KCNH2: variants seen among roughly 807,000 people sequenced by gnomAD.
The protein encoded by KCNH2 is potassium voltage-gated channel subfamily H member 2.
KCNH2 carries 35 observed loss-of-function variants against 95.9 expected under a neutral mutation model. That is an observed-to-expected ratio of 0.37 (90% CI 0.28 to 0.48). The LOEUF is 0.48. KCNH2 is among the 20% of genes least tolerant of loss of function. KCNH2 has a pLI of 0.99. For synonymous variants in KCNH2, 786 were observed against 754.7 expected (o/e 1.04, Z -0.68); for missense variants, 1,274 against 1,702.9 (o/e 0.75, Z 4.43).
intron 2 of KCNH2, among the ~76,000 whole-genome samples, chr7:150,965,034 G>A (rs570702470): frequency 1.3e-5 from 2 of 152,128 alleles, no homozygotes; most frequent in South Asian, 4.1e-4. Flanking sequence ...AGGAGGGAGA[G>A]AGACAGAGAC....
chr7:150,950,274 C>T lies in KCNH2; in HGVS notation c.2292G>A (p.Pro764=), dbSNP rs766291953. 18 of 1,613,546 alleles carry T rather than the reference C, an allele frequency of 1.1e-5. No homozygotes were observed. Among genetic ancestry groups the T allele is most frequent in the African/African-American group, 5.3e-5 (4 of 74,894 alleles). The part of the protein sequence containing the change: ...LAMKFKTTHA[P]PGDTLVHAGD... ...CAGCATGCACCAGTGTGTCCCCTGG[C>T]GGTGCATGTGTGGTCTTGAACTTCA... Residue 764 remains proline, a synonymous_variant, in exon 9 of 15, where the codon CCG becomes CCA. Transcript: ENST00000262186.
chr7:150,960,209 T>C (rs1043328238), intron 2 of KCNH2, among the ~76,000 whole-genome samples: 5 of 152,240 alleles, frequency 3.3e-5, no homozygotes, highest in African/African-American at 1.2e-4. Flanking sequence ...CTTATGCTTT[T>C]TTCCTAAATT....
At chr7:150,968,492 C>T (rs560699659) in intron 2 of KCNH2, among the ~76,000 whole-genome samples, 1 of 152,310 alleles carries the variant, frequency 6.6e-6, no homozygotes, top group East Asian at 1.9e-4. Context: ...CACCAAAATA[C>T]AACATATAGC....
intron 2 of KCNH2, among the ~76,000 whole-genome samples, chr7:150,974,461 C>T (rs1204219682): frequency 1.3e-5 from 2 of 152,238 alleles, no homozygotes; most frequent in Non-Finnish European, 2.9e-5. Context: ...GCCAGACCCA[C>T]AGCCTAGCAA....
intron 10 of KCNH2, 111 bp from the exon 11 acceptor site, chr7:150,948,654 T>C: frequency 8.5e-7 from 1 of 1,177,576 alleles, no homozygotes; most frequent in Non-Finnish European, 1.2e-6. Flanking sequence ...GCCCCAGCTC[T>C]GGGAAAACCC....
At chr7:150,948,182 C>T (rs530253759) in intron 11 of KCNH2, among the ~76,000 whole-genome samples, 1 of 152,348 alleles carries the variant, frequency 6.6e-6, no homozygotes, top group East Asian at 1.9e-4. Context: ...CTCCTCAGTG[C>T]TCACAGAGAC....
intron 5 of KCNH2, among the ~76,000 whole-genome samples, chr7:150,953,207 C>A (rs1228395460): frequency 1.3e-5 from 2 of 152,220 alleles, no homozygotes; most frequent in African/African-American, 4.8e-5. Context: ...CACCCAACCA[C>A]ACACGCCATA....
chr7:150,958,866 G>A (rs1409312760), intron 3 of KCNH2, among the ~76,000 whole-genome samples: 2 of 152,242 alleles, frequency 1.3e-5, no homozygotes, highest in Non-Finnish European at 2.9e-5. Flanking sequence ...CTAAGTGGGC[G>A]ACACAATGCC....
chr7:150,952,715 C>T lies in KCNH2; in HGVS notation c.1267G>A (p.Val423Ile). The T allele has an allele frequency of 6.2e-7, 1 of 1,614,176 alleles. No individual in the cohort carries two copies. Among genetic ancestry groups the T allele is most frequent in the Non-Finnish European group, 8.5e-7 (1 of 1,180,030 alleles). The change falls in exon 6 of 15, where the codon GTC (valine) becomes ATC (isoleucine). Residue 423 changes from valine (V) to isoleucine (I), a missense_variant. Physicochemically the swap from Val to Ile is conservative, Grantham distance 29. This residue lies in a region of KCNH2 where 147 missense variants were observed against 344.4 expected (regional missense o/e 0.43). Transcript: ENST00000262186. The surrounding 1 kb of genome is among the most constrained non-coding windows in gnomAD (Gnocchi z 7.3). ...LILLLVIYTA[V>I]FTPYSAAFLL... Reference sequence around the variant, plus strand: ...AAGGCAGCCGAGTAGGGTGTGAAGACAGCCGTGTAGATGACCAGCAGCAGG... The same window carrying T: ...AAGGCAGCCGAGTAGGGTGTGAAGATAGCCGTGTAGATGACCAGCAGCAGG...
chr7:150,973,046 T>C (rs1801880306), intron 2 of KCNH2, among the ~76,000 whole-genome samples: 1 of 152,172 alleles, frequency 6.6e-6, no homozygotes, highest in African/African-American at 2.4e-5. Flanking sequence ...TCAGCACCCT[T>C]GTGAAGGTCC....
At position 150,961,491 on chromosome 7, in the gene KCNH2, G is replaced by A. The variant is rs1801566064; in HGVS notation, c.308-1755C>T. ...TTTTGTATATTTTGATAGAGACAGG[G>A]TTTTCACTGTGTTGGCCAGGCTGGT... is the stretch of plus-strand genomic sequence containing the variant. On this transcript the variant is annotated intron_variant, in intron 2 of 14. Coordinates refer to ENST00000262186, the MANE Select transcript of KCNH2 (RefSeq NM_000238.4). This position sits in a 1 kb window ranked among gnomAD's most constrained non-coding sequence, Gnocchi z 6.2. Among the ~76,000 whole-genome samples the A allele has an allele frequency of 6.6e-6, 1 of 152,026 alleles. No homozygotes were observed. The highest frequency in any genetic ancestry group is 1.5e-5 in the Non-Finnish European group (1 of 68,010).
chr7:150,974,559 C>G, intron 2 of KCNH2, 152 bp downstream of exon 2: 1 of 669,672 alleles, frequency 1.5e-6, no homozygotes, highest in East Asian at 2.9e-5. Context: ...AGGGCCCCCG[C>G]CCGCGTCACA....
rs552586241 is a variant in KCNH2 at position 150,946,831 on chromosome 7, G to T, written c.3330+46C>A. On this transcript the variant is annotated intron_variant, in intron 14 of 14. Transcript: ENST00000262186. This position sits in a 1 kb window ranked among gnomAD's most constrained non-coding sequence, Gnocchi z 6.5. ...AAAGCAGGTTTGGGCTGGAATCGGGGAACAAGCGGGTCACGGTACATCGAG... is the reference window on the plus strand; with the variant it reads ...AAAGCAGGTTTGGGCTGGAATCGGGTAACAAGCGGGTCACGGTACATCGAG... 3 of 1,548,864 alleles carry T rather than the reference G, an allele frequency of 1.9e-6. No homozygotes were observed. The South Asian group carries it at 3.5e-5, about 18-fold the overall frequency.
rs771951663 is a variant in KCNH2, at chr7:150,952,914, C to G, written c.1129-61G>C. 3 of 1,513,484 alleles carry G rather than the reference C, an allele frequency of 2.0e-6. No homozygotes were observed. The Admixed American group carries it at 5.1e-5, about 26-fold the overall frequency. 93.8% of individuals were successfully genotyped at this position (1,513,484 alleles called of 1,614,324 possible). On this transcript the variant is annotated intron_variant, in intron 5 of 14. Transcript: ENST00000262186. The surrounding 1 kb of genome is among the most constrained non-coding windows in gnomAD (Gnocchi z 7.3). ...GGCCATGGGACCTCGGGGGCAGGAGCGATGACATCTCTGCCGGGGCCAAGC... is the reference window on the plus strand; with the variant it reads ...GGCCATGGGACCTCGGGGGCAGGAGGGATGACATCTCTGCCGGGGCCAAGC...
At chr7:150,966,718 T>C (rs1036157160) in intron 2 of KCNH2, among the ~76,000 whole-genome samples, 11 of 152,138 alleles carry the variant, frequency 7.2e-5, no homozygotes, top group Non-Finnish European at 1.3e-4. Flanking sequence ...TCTTTTACAA[T>C]AGCAACAAAA....
chr7:150,959,831 C>T, intron 2 of KCNH2, 95 bp from the exon 3 acceptor site: 1 of 1,371,314 alleles, frequency 7.3e-7, no homozygotes. Context: ...GTGGGCCCGT[C>T]CACTTCTGCC....
Position 150,977,960 on chromosome 7 carries a change from G to GGCCCGGCCCA in KCNH2, c.-57_-48dup, listed in dbSNP as rs1802020875. ...GGCGGGCCCCCACCCACCCCGGCCC[G>GGCCCGGCCCA]GCCCGGCCCAGCACTAGGCTTCGGG... On this transcript the variant is annotated 5_prime_UTR_variant, in exon 1 of 15. Transcript: ENST00000262186. 7.6e-7 allele frequency: 1 copy of GGCCCGGCCCA among 1,319,784 alleles called. No individual in the cohort carries two copies. Among genetic ancestry groups the GGCCCGGCCCA allele is most frequent in the African/African-American group, 1.5e-5 (1 of 64,968 alleles). The allele number at this position is 1,319,784 out of a possible 1,614,324, so 81.8% of individuals were successfully genotyped here. A position where few individuals can be genotyped will look rare whatever the true frequency, so the allele number is the denominator to read the frequency against.
chr7:150,957,475 A>G lies in KCNH2; in HGVS notation c.944T>C (p.Leu315Ser). The G allele has an allele frequency of 6.2e-7, 1 of 1,613,958 alleles. No individual in the cohort carries two copies. Residue 315 changes from leucine to serine, a missense_variant, in exon 5 of 15, where the codon TTG (leucine) becomes TCG (serine). Transcript: ENST00000262186. Reference sequence around the variant, plus strand: ...GTCGGAGTCCGAGGTGGAGTTGAGCAAGCCGCTGCGCAGTGGGTGCATGGC... The same window carrying G: ...GTCGGAGTCCGAGGTGGAGTTGAGCGAGCCGCTGCGCAGTGGGTGCATGGC... ...TGAMHPLRSG[L>S]LNSTSDSDLV...
At chr7:150,951,296 G>A in intron 7 of KCNH2, 152 bp downstream of exon 7, 1 of 1,137,028 alleles carries the variant, frequency 8.8e-7, no homozygotes, top group African/African-American at 1.5e-5. Context: ...CCCCGCCCTG[G>A]TGACCCAGCC....
Sources: allele counts gnomAD v4.1 joint callset (sites outside exome capture counted in the v4.1 genomes callset), GRCh38; gene constraint gnomAD v4.1.1; regional missense constraint gnomAD v4.1.1; non-coding constraint Gnocchi (gnomAD v3.1); transcripts MANE v1.5; gene names NCBI Gene and HGNC (gene_info 2026-07-23, HGNC 2026-07-21).